The following CLASP2 variants were observed in gnomAD, a reference collection of about 807,000 sequenced individuals.
The protein encoded by CLASP2 is cytoplasmic linker associated protein 2, also known as CLIP-associating protein 2.
CLASP2 carries 47 observed loss-of-function variants against 194.4 expected under a neutral mutation model. That is an observed-to-expected ratio of 0.24 (90% CI 0.19 to 0.31). CLASP2 has a LOEUF of 0.31. CLASP2 is among the 10% of genes least tolerant of loss of function. CLASP2 has a pLI of 1.00. For synonymous variants in CLASP2, 619 were observed against 633.5 expected (o/e 0.98, Z 0.34); for missense variants, 1,445 against 1,823.6 (o/e 0.79, Z 3.78).
chr3:33,519,672 G>A (rs572080912), intron 34 of CLASP2, among the ~76,000 whole-genome samples: 2 of 152,130 alleles, frequency 1.3e-5, no homozygotes, highest in East Asian at 3.9e-4. Flanking sequence ...GCCATACAAA[G>A]CATGGGACTA....
intron 23 of CLASP2, among the ~76,000 whole-genome samples, 186 bp downstream of exon 23, chr3:33,581,635 T>C (rs1347346788): frequency 2.6e-5 from 4 of 152,234 alleles, no homozygotes; most frequent in Non-Finnish European, 5.9e-5. Context: ...ACATATTCAT[T>C]TCAGACATGT....
At chr3:33,588,104 T>C (rs1476433769) in intron 21 of CLASP2, among the ~76,000 whole-genome samples, 2 of 152,160 alleles carry the variant, frequency 1.3e-5, no homozygotes, top group Non-Finnish European at 2.9e-5. Context: ...AGTCCTGCCC[T>C]ATCCTAGGAA....
At chr3:33,588,825 A>G (rs2068007628) in intron 21 of CLASP2, 2 of 676,670 alleles carry the variant, frequency 3.0e-6, no homozygotes, top group Non-Finnish European at 5.3e-6. Flanking sequence ...GAAATAAGAA[A>G]GCTTTAGTCA....
chr3:33,521,264 A>G (rs2053000196), intron 34 of CLASP2, among the ~76,000 whole-genome samples: 1 of 150,992 alleles, frequency 6.6e-6, no homozygotes, highest in East Asian at 1.9e-4. Flanking sequence ...AGTTTGATGA[A>G]AAGAATATGT....
intron 6 of CLASP2, among the ~76,000 whole-genome samples, chr3:33,674,861 C>A (rs1025933644): frequency 6.6e-6 from 1 of 152,170 alleles, no homozygotes; most frequent in East Asian, 1.9e-4. Flanking sequence ...TTCCTGGACA[C>A]ATACACCCTC....
chr3:33,664,700 C>T (rs76801782), intron 6 of CLASP2, among the ~76,000 whole-genome samples: 3,746 of 152,246 alleles, frequency 0.025, 69 homozygotes, highest in Non-Finnish European at 0.04. Flanking sequence ...GTCTCTTTAT[C>T]CTACAGAGTA....
intron 12 of CLASP2, among the ~76,000 whole-genome samples, chr3:33,612,891 GA>G (rs1175914303): frequency 6.6e-6 from 1 of 152,184 alleles, no homozygotes; most frequent in Non-Finnish European, 1.5e-5. Flanking sequence ...GGCTAGGAAG[GA>G]TAGGGGGAGG....
At chr3:33,518,918 C>T (rs543704691) in intron 34 of CLASP2, among the ~76,000 whole-genome samples, 22 of 152,288 alleles carry the variant, frequency 1.4e-4, no homozygotes, top group Middle Eastern at 3.4e-3. Context: ...TGACAGAGAG[C>T]AGCACCATGG....
intron 34 of CLASP2, among the ~76,000 whole-genome samples, chr3:33,526,573 A>G (rs1031000157): frequency 6.6e-6 from 1 of 152,176 alleles, no homozygotes; most frequent in Non-Finnish European, 1.5e-5. Flanking sequence ...ACAGATCATC[A>G]AGGCAGAAAA....
intron 23 of CLASP2, among the ~76,000 whole-genome samples, chr3:33,580,710 C>T (rs2065863401): frequency 2.0e-5 from 3 of 151,776 alleles, no homozygotes; most frequent in South Asian, 4.2e-4. Context: ...CAGTAAACTA[C>T]ACTGTGTTAA....
At position 33,510,564 on chromosome 3, in the gene CLASP2, T is replaced by C; in HGVS notation, c.4311A>G (p.Leu1437=). Residue 1437 remains leucine (L), a synonymous_variant, in exon 37 of 39, where the codon CTA becomes CTG. Coordinates refer to ENST00000682230, the MANE Select transcript of CLASP2 (RefSeq NM_001365631.1). ...TCCAAGCTTTGTTGCTTACCTGTAT[T>C]AGACCTGGCATAATCTCTGGCAAAA... ...NLLLPEIMPG[L]IQGYDNSESS... is the part of the protein sequence containing the mutation. 3 of 1,613,792 alleles carry C rather than the reference T, an allele frequency of 1.9e-6. No individual in the cohort carries two copies. The highest frequency in any genetic ancestry group is 1.7e-6 in the Non-Finnish European group (2 of 1,179,720).
chr3:33,712,319 A>G (rs970452208), intron 1 of CLASP2, among the ~76,000 whole-genome samples: 4 of 152,200 alleles, frequency 2.6e-5, no homozygotes, highest in African/African-American at 7.2e-5. Context: ...AATCAAAGGC[A>G]TAAGAATGAT....
intron 1 of CLASP2, among the ~76,000 whole-genome samples, chr3:33,714,858 A>C (rs1029130963): frequency 2.6e-5 from 4 of 152,102 alleles, no homozygotes; most frequent in African/African-American, 9.7e-5. Context: ...TACAGGCATA[A>C]GCCACCACGC....
In CLASP2 at chr3:33,611,005, TG is replaced by T. The variant is rs2075066766; in HGVS notation, c.1388+995del. On this transcript the variant is annotated intron_variant, in intron 13 of 38. Transcript: ENST00000682230. ...TTTATTATTGTTGGCGATAGTGGTGTGAAGTTGTCAGAATCAAAATGAAGTC... is the reference window on the plus strand; with the variant it reads ...TTTATTATTGTTGGCGATAGTGGTGTAAGTTGTCAGAATCAAAATGAAGTC... Among the ~76,000 whole-genome samples, 4 of 152,296 alleles carry T rather than the reference TG, an allele frequency of 2.6e-5. No homozygotes were observed. The South Asian group carries it at 8.3e-4, about 32-fold the overall frequency.
chr3:33,698,268 T>TA (rs2092103610), intron 1 of CLASP2, among the ~76,000 whole-genome samples: 1 of 152,036 alleles, frequency 6.6e-6, no homozygotes, highest in Non-Finnish European at 1.5e-5. Context: ...AACTCAATGC[T>TA]ATTAAGGAGA....
intron 37 of CLASP2, chr3:33,505,224 T>TA (rs1383650071): frequency 7.5e-6 from 1 of 133,286 alleles, no homozygotes; most frequent in African/African-American, 3.0e-5. Context: ...ATGCCAGAGA[T>TA]AAAAACAACA....
rs1385496824 is a variant in CLASP2 at position 33,510,314 on chromosome 3, A to T, written c.4317+244T>A. On this transcript the variant is annotated intron_variant, in intron 37 of 38. Transcript: ENST00000682230. ...ATGTGGATAGTAGTGATGGTTGCAT[A>T]ACACTGTGAATGTAGTTAATGCTCC... Among the ~76,000 whole-genome samples, 3 of 152,172 alleles carry T rather than the reference A, an allele frequency of 2.0e-5. No homozygotes were observed. The East Asian group carries it at 5.8e-4, about 29-fold the overall frequency.
rs2065064968 is a variant in CLASP2 at position 33,577,130 on chromosome 3, T to C, written c.2348-855A>G. On this transcript the variant is annotated intron_variant, in intron 23 of 38. Transcript: ENST00000682230. Reference sequence around the variant, plus strand: ...AATCAATTTTAAAACATGAATATTATTTAATGGAAACTGAAAAGGATAAAA... The same window carrying C: ...AATCAATTTTAAAACATGAATATTACTTAATGGAAACTGAAAAGGATAAAA... The C allele has an allele frequency of 6.4e-6, 7 of 1,092,270 alleles. No individual in the cohort carries two copies. In the Admixed American group the frequency reaches 1.6e-4, roughly 26 times the overall value. The allele number at this position is 1,092,270 out of a possible 1,614,324, so 67.7% of individuals were successfully genotyped here.
At chr3:33,521,303 GATAA>G (rs1166132380) in intron 34 of CLASP2, among the ~76,000 whole-genome samples, 2 of 152,060 alleles carry the variant, frequency 1.3e-5, no homozygotes, top group Non-Finnish European at 2.9e-5. Context: ...AGTATCTCCT[GATAA>G]AACACTTAAT....
Sources: allele counts gnomAD v4.1 joint callset (sites outside exome capture counted in the v4.1 genomes callset), GRCh38; gene constraint gnomAD v4.1.1; transcripts MANE v1.5; gene names NCBI Gene and HGNC (gene_info 2026-07-23, HGNC 2026-07-21).